SGCZ: variants seen among roughly 807,000 people sequenced by gnomAD.
SGCZ encodes zeta-sarcoglycan.
SGCZ carries 40 observed loss-of-function variants against 41.3 expected under a neutral mutation model. That is an observed-to-expected ratio of 0.97 (90% CI 0.75 to 1.26). The LOEUF is 1.26. SGCZ is among the 50% of genes most tolerant of loss of function. The pLI is 0.00. For missense variants in SGCZ, 552 were observed against 369.8 expected (o/e 1.49, Z -4.04); for synonymous variants, 206 against 137.5 (o/e 1.50, Z -3.49).
intron 4 of SGCZ, among the ~76,000 whole-genome samples, chr8:14,192,933 T>A (rs548738747): frequency 2.1e-4 from 32 of 152,200 alleles, no homozygotes; most frequent in Middle Eastern, 6.8e-3. Flanking sequence ...CATGTCCGTG[T>A]ATATTCAAAG....
intron 2 of SGCZ, among the ~76,000 whole-genome samples, chr8:14,492,694 T>C (rs1271041279): frequency 6.6e-6 from 1 of 152,164 alleles, no homozygotes; most frequent in Non-Finnish European, 1.5e-5. Context: ...CTTCTGTGCC[T>C]CAAGGCTCAA....
intron 1 of SGCZ, among the ~76,000 whole-genome samples, chr8:14,795,403 T>C (rs1801090095): frequency 2.0e-5 from 3 of 151,460 alleles, no homozygotes; most frequent in Admixed American, 6.6e-5. Flanking sequence ...ACTTATCACC[T>C]GAGTAAATAT....
intron 1 of SGCZ, among the ~76,000 whole-genome samples, chr8:15,163,044 G>A (rs539681212): frequency 6.6e-6 from 1 of 152,260 alleles, no homozygotes; most frequent in African/African-American, 2.4e-5. Flanking sequence ...GTATTTCTCA[G>A]GTATGCTATG....
chr8:14,143,397 A>G (rs1803430581), intron 5 of SGCZ, among the ~76,000 whole-genome samples: 1 of 152,244 alleles, frequency 6.6e-6, no homozygotes, highest in Non-Finnish European at 1.5e-5. Context: ...TGAAAATGAC[A>G]TTATTGTCTA....
At chr8:14,512,649 G>A (rs1025796129) in intron 2 of SGCZ, among the ~76,000 whole-genome samples, 1 of 151,614 alleles carries the variant, frequency 6.6e-6, no homozygotes, top group African/African-American at 2.4e-5. Flanking sequence ...TTTATTTTGT[G>A]GAGACTTGGT....
At chr8:14,797,401 T>A (rs1801170412) in intron 1 of SGCZ, among the ~76,000 whole-genome samples, 1 of 152,140 alleles carries the variant, frequency 6.6e-6, no homozygotes, top group African/African-American at 2.4e-5. Flanking sequence ...TTGTTCTGCT[T>A]CAGCAAAGAG....
At chr8:14,226,771 C>T (rs1053629714) in intron 4 of SGCZ, among the ~76,000 whole-genome samples, 2 of 152,006 alleles carry the variant, frequency 1.3e-5, no homozygotes, top group African/African-American at 4.8e-5. Flanking sequence ...TTGATAGGAA[C>T]AGGGAAACTG....
At chr8:15,105,545 C>G (rs1347647308) in intron 1 of SGCZ, among the ~76,000 whole-genome samples, 2 of 152,076 alleles carry the variant, frequency 1.3e-5, no homozygotes, top group Non-Finnish European at 2.9e-5. Context: ...TTTAAACACG[C>G]AGATCTTGTC....
At chr8:15,115,840 T>C (rs1166549003) in intron 1 of SGCZ, among the ~76,000 whole-genome samples, 1 of 152,240 alleles carries the variant, frequency 6.6e-6, no homozygotes, top group Non-Finnish European at 1.5e-5. Context: ...AGCAGTCATA[T>C]TCCCAAAGGG....
chr8:15,045,739 C>T (rs1019280310), intron 1 of SGCZ, among the ~76,000 whole-genome samples: 2 of 152,028 alleles, frequency 1.3e-5, no homozygotes, highest in African/African-American at 2.4e-5. Context: ...AGACCCTATC[C>T]ATCAGCCAAA....
chr8:15,121,399 G>A (rs1473137388), intron 1 of SGCZ, among the ~76,000 whole-genome samples: 1 of 152,028 alleles, frequency 6.6e-6, no homozygotes, highest in Non-Finnish European at 1.5e-5. Context: ...CTTCTCAATG[G>A]AACATCAAAG....
chr8:15,099,451 G>C lies in SGCZ; in HGVS notation c.39+138134C>G, dbSNP rs574992601. Among the ~76,000 whole-genome samples, 4 of 152,044 alleles carry C rather than the reference G, an allele frequency of 2.6e-5. No homozygotes were observed. The East Asian group carries it at 7.7e-4, about 29-fold the overall frequency. On this transcript the variant is annotated intron_variant, in intron 1 of 7. Coordinates refer to ENST00000382080, the MANE Select transcript of SGCZ (RefSeq NM_139167.4). ...TGGAGGAATACATCCTTTGAATAAA[G>C]AACTGAAATCAAATAATAGCTTCCC...
At chr8:14,550,357 T>A (rs1381405) in intron 2 of SGCZ, among the ~76,000 whole-genome samples, 98,245 of 148,808 alleles carry the variant, frequency 0.66, 32,604 homozygotes, top group East Asian at 0.75. Flanking sequence ...TATATAAATA[T>A]TTATTTTATA....
In SGCZ at chr8:15,006,162, G is replaced by A. The variant is rs117732517; in HGVS notation, c.39+231423C>T. Among the ~76,000 whole-genome samples, 54 of 152,248 alleles carry A rather than the reference G, an allele frequency of 3.5e-4. No homozygotes were observed. In the East Asian group the frequency reaches 9.8e-3, roughly 28 times the overall value. Reference sequence around the variant, plus strand: ...GAATAAATACAAAACATATTTTAATGTCTGTTTAGAAATTACACAACGTGG... The same window carrying A: ...GAATAAATACAAAACATATTTTAATATCTGTTTAGAAATTACACAACGTGG... On this transcript the variant is annotated intron_variant, in intron 1 of 7. Coordinates refer to ENST00000382080, the MANE Select transcript of SGCZ (RefSeq NM_139167.4).
At chr8:14,496,436 G>A (rs899370381) in intron 2 of SGCZ, among the ~76,000 whole-genome samples, 4 of 152,104 alleles carry the variant, frequency 2.6e-5, no homozygotes, top group South Asian at 2.1e-4. Context: ...GTAGTAAGTA[G>A]TATCTTGAGT....
intron 1 of SGCZ, among the ~76,000 whole-genome samples, chr8:15,066,075 G>C (rs1056409167): frequency 6.6e-6 from 1 of 152,084 alleles, no homozygotes; most frequent in African/African-American, 2.4e-5. Context: ...TTGGGAGGCC[G>C]AGGCGGGTGG....
intron 2 of SGCZ, among the ~76,000 whole-genome samples, chr8:14,525,335 C>T (rs1377734134): frequency 6.6e-6 from 1 of 152,066 alleles, no homozygotes; most frequent in Non-Finnish European, 1.5e-5. Flanking sequence ...TCCTGTGTTC[C>T]TGGACTAAAA....
chr8:14,437,759 A>G (rs115509757), intron 2 of SGCZ, among the ~76,000 whole-genome samples: 4,692 of 151,808 alleles, frequency 0.031, 216 homozygotes, highest in African/African-American at 0.11. Context: ...TTGTTGCCTG[A>G]CTAAAAATAA....
rs1585615759 is a variant in SGCZ at position 14,512,840 on chromosome 8, G to A, written c.234+41892C>T. 3.9e-5 allele frequency among the ~76,000 whole-genome samples: 6 copies of A among 152,124 alleles called. No individual in the cohort carries two copies. The South Asian group carries it at 1.2e-3, about 32-fold the overall frequency. ...AACTTTATTAATTGTCTACCCTGGT[G>A]CTTCTGAAGTTTCATTGAAGATAAG... On this transcript the variant is annotated intron_variant, in intron 2 of 7. Coordinates refer to ENST00000382080, the MANE Select transcript of SGCZ (RefSeq NM_139167.4).
Sources: gnomAD v4.1 joint callset for allele counts (sites outside exome capture counted in the v4.1 genomes callset) on GRCh38, gnomAD v4.1.1 for gene constraint, MANE v1.5 for transcripts, NCBI Gene and HGNC (gene_info 2026-07-23, HGNC 2026-07-21) for gene names.